Variants in TBC1D22A observed in about 807,000 individuals in gnomAD.
The protein encoded by TBC1D22A is TBC1 domain family member 22A.
A neutral mutation model predicts 60.2 loss-of-function variants in TBC1D22A; 38 were observed. The ratio of observed to expected loss-of-function variants is 0.63; its 90% CI spans 0.49 to 0.83. The LOEUF is 0.83. TBC1D22A is among the 40% of genes least tolerant of loss of function. TBC1D22A has a pLI of 0.00. For missense variants in TBC1D22A, 628 were observed against 701.0 expected (o/e 0.90, Z 1.18); for synonymous variants, 302 against 281.7 (o/e 1.07, Z -0.72).
At chr22:46,846,929 C>T (rs911260129) in intron 4 of TBC1D22A, among the ~76,000 whole-genome samples, 7 of 152,332 alleles carry the variant, frequency 4.6e-5, no homozygotes, top group African/African-American at 1.7e-4. Context: ...AAAACAACTC[C>T]TGCGGTTTTC....
Position 47,148,511 on chromosome 22 carries a change from T to C in TBC1D22A, c.1426-24987T>C, listed in dbSNP as rs200209725. 8.8e-3 allele frequency among the ~76,000 whole-genome samples: 1,341 copies of C among 152,044 alleles called. 27 individuals carry two copies. The highest frequency in any genetic ancestry group is 0.031 in the African/African-American group (1,278 of 41,360). On this transcript the variant is annotated intron_variant, in intron 12 of 12. Transcript: ENST00000337137. ...GCTTGAGACCCTGGAGTTGGGTGCG[T>C]CTCAAGGGCCTGAACAGAGTCCCCT...
chr22:47,095,981 T>A (rs534050030), intron 11 of TBC1D22A, among the ~76,000 whole-genome samples: 31 of 152,310 alleles, frequency 2.0e-4, no homozygotes, highest in Admixed American at 2.0e-3. Context: ...GATGAGTCTG[T>A]TGGTAACTAG....
chr22:46,873,103 T>C (rs1047500424), intron 4 of TBC1D22A, among the ~76,000 whole-genome samples: 1 of 151,936 alleles, frequency 6.6e-6, no homozygotes, highest in Admixed American at 6.5e-5. Flanking sequence ...TGGCATTCAA[T>C]AAAAAAGTAA....
At chr22:46,940,741 A>T (rs1602572872) in intron 8 of TBC1D22A, among the ~76,000 whole-genome samples, 1 of 137,330 alleles carries the variant, frequency 7.3e-6, no homozygotes, top group South Asian at 2.4e-4. Context: ...ACCCTTGAAC[A>T]GCATGGAGGC....
rs1197909254 is a variant in TBC1D22A at position 47,087,843 on chromosome 22, A to T, written c.1330-23665A>T. On this transcript the variant is annotated intron_variant, in intron 11 of 12. Coordinates refer to ENST00000337137, the MANE Select transcript of TBC1D22A (RefSeq NM_014346.5). ...GTAATCCCAGCACTTTAGAAGGCTG[A>T]GGCGGGCGGATCACGAGGTCAGAAG... Among the ~76,000 whole-genome samples the T allele has an allele frequency of 2.6e-5, 4 of 152,144 alleles. No individual in the cohort carries two copies. The East Asian group carries it at 7.7e-4, about 29-fold the overall frequency.
chr22:46,893,101 C>T (rs953747307), intron 6 of TBC1D22A, among the ~76,000 whole-genome samples: 5 of 152,256 alleles, frequency 3.3e-5, no homozygotes, highest in African/African-American at 4.8e-5. Flanking sequence ...GTGGGCAATG[C>T]CACCCCTGCA....
At chr22:46,927,977 A>T (rs1370670233) in intron 8 of TBC1D22A, among the ~76,000 whole-genome samples, 1 of 152,194 alleles carries the variant, frequency 6.6e-6, no homozygotes, top group African/African-American at 2.4e-5. Context: ...AAACCTTAAT[A>T]TTGTTAAGGT....
intron 8 of TBC1D22A, among the ~76,000 whole-genome samples, chr22:46,937,113 C>G (rs1569242041): frequency 6.6e-6 from 1 of 152,166 alleles, no homozygotes; most frequent in East Asian, 1.9e-4. Flanking sequence ...AAGGCATAAT[C>G]TCGTGTCCAT....
At chr22:47,150,185 C>G (rs1205481129) in intron 12 of TBC1D22A, among the ~76,000 whole-genome samples, 2 of 152,184 alleles carry the variant, frequency 1.3e-5, no homozygotes, top group African/African-American at 4.8e-5. Flanking sequence ...ACTGTAAACG[C>G]CCCTGAGATC....
chr22:47,025,122 A>G (rs77096868), intron 10 of TBC1D22A, among the ~76,000 whole-genome samples: 2,188 of 152,328 alleles, frequency 0.014, 48 homozygotes, highest in African/African-American at 0.05. Flanking sequence ...CAGCAAAATC[A>G]GATAAAAATG....
At chr22:46,981,192 C>T (rs1291301795) in intron 9 of TBC1D22A, among the ~76,000 whole-genome samples, 1 of 152,192 alleles carries the variant, frequency 6.6e-6, no homozygotes, top group Non-Finnish European at 1.5e-5. Flanking sequence ...AAGAGTTAAT[C>T]TTGAATGCAT....
intron 11 of TBC1D22A, among the ~76,000 whole-genome samples, chr22:47,083,303 A>T (rs1479814835): frequency 6.6e-6 from 1 of 152,094 alleles, no homozygotes; most frequent in East Asian, 1.9e-4. Context: ...TCCGAAAAAA[A>T]CTATTAAAAT....
intron 4 of TBC1D22A, among the ~76,000 whole-genome samples, chr22:46,872,134 A>T (rs1326978440): frequency 6.6e-6 from 1 of 152,184 alleles, no homozygotes; most frequent in African/African-American, 2.4e-5. Flanking sequence ...TATATTGATT[A>T]AAAAAATTAA....
intron 12 of TBC1D22A, among the ~76,000 whole-genome samples, chr22:47,152,706 C>G (rs2067551113): frequency 6.6e-6 from 1 of 152,204 alleles, no homozygotes; most frequent in Non-Finnish European, 1.5e-5. Flanking sequence ...TCATTTAACT[C>G]TCGTGATGAG....
At chr22:47,105,305 C>T (rs1366882996) in intron 11 of TBC1D22A, among the ~76,000 whole-genome samples, 1 of 152,068 alleles carries the variant, frequency 6.6e-6, no homozygotes, top group East Asian at 1.9e-4. Context: ...CCGAAAGACC[C>T]TCCTGTTTTT....
intron 8 of TBC1D22A, among the ~76,000 whole-genome samples, chr22:46,960,073 A>G (rs1402969343): frequency 6.6e-6 from 1 of 152,196 alleles, no homozygotes; most frequent in Non-Finnish European, 1.5e-5. Context: ...GGAATCACAC[A>G]GTGGGACTGA....
chr22:46,906,773 C>A (rs1405442597), intron 7 of TBC1D22A, among the ~76,000 whole-genome samples: 1 of 141,708 alleles, frequency 7.1e-6, no homozygotes, highest in African/African-American at 2.9e-5. Context: ...CCAGATGGAC[C>A]CTGAACTGTG....
rs1275809409 is a variant in TBC1D22A at position 47,028,283 on chromosome 22, G to T, written c.1202-8788G>T. On this transcript the variant is annotated intron_variant, in intron 10 of 12. Transcript: ENST00000337137. This position sits in a 1 kb window ranked among gnomAD's most constrained non-coding sequence, Gnocchi z 4.4. ...CTGCCAGGAGGATTTATTTCATTCT[G>T]CACTCATGTTTACTGAGATTCTGAG... 6.6e-6 allele frequency among the ~76,000 whole-genome samples: 1 copy of T among 152,198 alleles called. No individual in the cohort carries two copies. Among genetic ancestry groups the T allele is most frequent in the East Asian group, 1.9e-4 (1 of 5,198 alleles).
chr22:46,999,116 G>A (rs950084036), intron 10 of TBC1D22A, among the ~76,000 whole-genome samples: 2 of 152,208 alleles, frequency 1.3e-5, no homozygotes, highest in African/African-American at 4.8e-5. Context: ...TTTCGTGGAG[G>A]TTAGAAAGTT....
Sources: gnomAD v4.1 joint callset for allele counts (sites outside exome capture counted in the v4.1 genomes callset) on GRCh38, gnomAD v4.1.1 for gene constraint, Gnocchi (gnomAD v3.1) non-coding constraint, MANE v1.5 for transcripts, NCBI Gene and HGNC (gene_info 2026-07-23, HGNC 2026-07-21) for gene names.